Variants in CCSER1 observed in about 807,000 individuals in gnomAD.
CCSER1 encodes serine-rich coiled-coil domain-containing protein 1.
CCSER1 carries 41 observed loss-of-function variants against 82.0 expected under a neutral mutation model. The ratio of observed to expected loss-of-function variants is 0.50; its 90% CI spans 0.39 to 0.65. The LOEUF (loss-of-function observed/expected upper bound fraction) is 0.65. CCSER1 is among the 30% of genes least tolerant of loss of function. The pLI, the probability that CCSER1 is intolerant of heterozygous loss-of-function variation, is 0.00. For synonymous variants in CCSER1, 414 were observed against 383.9 expected (o/e 1.08, Z -0.92); for missense variants, 1,119 against 1,064.2 (o/e 1.05, Z -0.72).
chr4:91,411,491 C>CATATATATATAT (rs770013398), intron 10 of CCSER1, among the ~76,000 whole-genome samples: 2,207 of 53,010 alleles, frequency 0.042, 185 homozygotes, highest in East Asian at 0.067. Flanking sequence ...TGCATATATA[C>CATATATATATAT]ATATATATAT....
chr4:90,222,473 C>G (rs1254741682), intron 1 of CCSER1, among the ~76,000 whole-genome samples: 1 of 152,024 alleles, frequency 6.6e-6, no homozygotes, highest in Non-Finnish European at 1.5e-5. Flanking sequence ...TTGGGCTTGG[C>G]TAGATTTAGG....
chr4:90,440,975 G>C (rs1578478382), intron 4 of CCSER1, among the ~76,000 whole-genome samples: 1 of 152,172 alleles, frequency 6.6e-6, no homozygotes, highest in Admixed American at 6.5e-5. Context: ...AAAAAAGATA[G>C]TAGGGTTAGA....
chr4:91,217,943 G>C (rs891074071), intron 10 of CCSER1, among the ~76,000 whole-genome samples: 1 of 152,244 alleles, frequency 6.6e-6, no homozygotes, highest in Non-Finnish European at 1.5e-5. Flanking sequence ...AGGTGGAGCT[G>C]CCTGCCAGTC....
intron 5 of CCSER1, among the ~76,000 whole-genome samples, chr4:90,546,254 G>A (rs193125066): frequency 6.6e-6 from 1 of 152,204 alleles, no homozygotes; most frequent in East Asian, 1.9e-4. Flanking sequence ...ATCTACCTGG[G>A]AAGAGTAAGT....
In CCSER1 at chr4:90,347,353, A is replaced by ATC. The variant is rs1159794575; in HGVS notation, c.1509+34307_1509+34308insCT. On this transcript the variant is annotated intron_variant, in intron 3 of 10. Transcript: ENST00000509176. Reference sequence around the variant, plus strand: ...TCTATCTATCTATCTATCTATCTATATACTTTATTGGTAGAATAGAATGAG... The same window carrying ATC: ...TCTATCTATCTATCTATCTATCTATATCTACTTTATTGGTAGAATAGAATGAG... 2.7e-3 allele frequency among the ~76,000 whole-genome samples: 277 copies of ATC among 103,954 alleles called. 1 individual carries two copies. Among genetic ancestry groups the ATC allele is most frequent in the East Asian group, 0.024 (66 of 2,704 alleles). 68.2% of individuals were successfully genotyped at this position (103,954 alleles called of 152,430 possible). A position where few individuals can be genotyped will look rare whatever the true frequency, so the allele number is the denominator to read the frequency against.
intron 9 of CCSER1, among the ~76,000 whole-genome samples, chr4:91,080,971 C>G (rs1177972459): frequency 6.6e-6 from 1 of 152,040 alleles, no homozygotes; most frequent in Non-Finnish European, 1.5e-5. Context: ...CAAATTCTAC[C>G]CAGAGGTACA....
At chr4:90,422,289 G>C (rs1427656744) in intron 4 of CCSER1, among the ~76,000 whole-genome samples, 1 of 152,128 alleles carries the variant, frequency 6.6e-6, no homozygotes, top group Non-Finnish European at 1.5e-5. Flanking sequence ...TTCAACAACG[G>C]AATAAATTTC....
intron 3 of CCSER1, among the ~76,000 whole-genome samples, chr4:90,397,054 TATC>T (rs1185723953): frequency 1.8e-4 from 28 of 152,212 alleles, no homozygotes; most frequent in Admixed American, 1.4e-3. Context: ...TTCTGTAACA[TATC>T]ATGTTGCTGC....
At chr4:91,315,558 G>C (rs1261183227) in intron 10 of CCSER1, among the ~76,000 whole-genome samples, 2 of 151,920 alleles carry the variant, frequency 1.3e-5, no homozygotes, top group Non-Finnish European at 2.9e-5. Context: ...ACTGTTCTAT[G>C]TTCTTTATTG....
chr4:91,080,681 T>C (rs1394486072), intron 9 of CCSER1, among the ~76,000 whole-genome samples: 2 of 151,470 alleles, frequency 1.3e-5, no homozygotes, highest in East Asian at 3.9e-4. Context: ...AAGACTAATA[T>C]GGAAGAAAAA....
intron 8 of CCSER1, among the ~76,000 whole-genome samples, chr4:90,874,928 C>T (rs2150046596): frequency 6.6e-6 from 1 of 152,240 alleles, no homozygotes; most frequent in East Asian, 1.9e-4. Context: ...TTCCTATAGT[C>T]CCAGCTACTC....
intron 5 of CCSER1, among the ~76,000 whole-genome samples, chr4:90,622,198 A>T (rs1722444475): frequency 6.6e-6 from 1 of 152,158 alleles, no homozygotes; most frequent in Non-Finnish European, 1.5e-5. Context: ...CTTACCATAT[A>T]AAAGAGGTAC....
intron 3 of CCSER1, among the ~76,000 whole-genome samples, chr4:90,369,435 A>G (rs1298694356): frequency 7.8e-6 from 1 of 127,828 alleles, no homozygotes; most frequent in African/African-American, 3.2e-5. Context: ...GCACAGAGGT[A>G]TAAAAAAAGA....
At chr4:91,432,519 G>A (rs946383042) in intron 10 of CCSER1, among the ~76,000 whole-genome samples, 4 of 152,072 alleles carry the variant, frequency 2.6e-5, no homozygotes, top group Non-Finnish European at 5.9e-5. Flanking sequence ...AGCATTTTAT[G>A]AGAGTGTCTG....
rs916936034 is a variant in CCSER1 at position 91,047,627 on chromosome 4, A to G, written c.2173-38323A>G. On this transcript the variant is annotated intron_variant, in intron 9 of 10. Transcript: ENST00000509176. ...CTGCTCCTTTATAATTAGTATTGTCATTTAGATTTCAGATTACCTCTATGA... is the reference window on the plus strand; with the variant it reads ...CTGCTCCTTTATAATTAGTATTGTCGTTTAGATTTCAGATTACCTCTATGA... Among the ~76,000 whole-genome samples, 3 of 152,076 alleles carry G rather than the reference A, an allele frequency of 2.0e-5. No individual in the cohort carries two copies. In the East Asian group the frequency reaches 5.8e-4, roughly 29 times the overall value.
intron 7 of CCSER1, among the ~76,000 whole-genome samples, chr4:90,773,146 A>C (rs1273382120): frequency 6.6e-6 from 1 of 152,168 alleles, no homozygotes; most frequent in Non-Finnish European, 1.5e-5. Context: ...GGGCTGAGGA[A>C]GGAGAATTGC....
chr4:90,611,799 T>C (rs980649009), intron 5 of CCSER1, among the ~76,000 whole-genome samples: 2 of 148,390 alleles, frequency 1.3e-5, no homozygotes, highest in African/African-American at 2.4e-5. Context: ...ATATTATATA[T>C]TTAAAATTAT....
At chr4:91,031,377 T>C (rs1288204439) in intron 9 of CCSER1, among the ~76,000 whole-genome samples, 1 of 152,182 alleles carries the variant, frequency 6.6e-6, no homozygotes, top group Non-Finnish European at 1.5e-5. Flanking sequence ...GGGTCTACTG[T>C]AGCACAAGGA....
rs1731179736 is a variant in CCSER1, at chr4:91,159,681, T to C, written c.2217+73687T>C. On this transcript the variant is annotated intron_variant, in intron 10 of 10. Coordinates refer to ENST00000509176, the MANE Select transcript of CCSER1 (RefSeq NM_001145065.2). Reference sequence around the variant, plus strand: ...AGAAAGAATGTGCAGCAGATAATTATTTTTAAAAATTAGAATCAGTGAATA... The same window carrying C: ...AGAAAGAATGTGCAGCAGATAATTACTTTTAAAAATTAGAATCAGTGAATA... Among the ~76,000 whole-genome samples the C allele has an allele frequency of 1.3e-5, 2 of 151,942 alleles. 1 individual carries two copies. Among genetic ancestry groups the C allele is most frequent in the Non-Finnish European group, 2.9e-5 (2 of 67,918 alleles).
Sources: allele counts gnomAD v4.1 joint callset (sites outside exome capture counted in the v4.1 genomes callset), GRCh38; gene constraint gnomAD v4.1.1; transcripts MANE v1.5; gene names NCBI Gene and HGNC (gene_info 2026-07-23, HGNC 2026-07-21).